The following GPATCH1 variants were observed in gnomAD, a reference collection of about 807,000 sequenced individuals.
GPATCH1 encodes G-patch domain containing 1.
In GPATCH1, 73 loss-of-function variants were observed where a neutral mutation model predicts 114.9. The observed-to-expected ratio is 0.64, with a 90% CI of 0.53 to 0.77. The LOEUF (loss-of-function observed/expected upper bound fraction) is 0.77, where lower values mean the gene tolerates loss of function less well. Ranked by LOEUF, GPATCH1 falls within the 30% of genes least tolerant of loss-of-function variation. The pLI is 0.00. For missense variants in GPATCH1, 1,058 were observed against 1,144.3 expected (o/e 0.92, Z 1.09); for synonymous variants, 391 against 428.4 (o/e 0.91, Z 1.08).
At chr19:33,129,069 A>G (rs1973074400) in intron 19 of GPATCH1, among the ~76,000 whole-genome samples, 1 of 151,754 alleles carries the variant, frequency 6.6e-6, no homozygotes, top group Admixed American at 6.6e-5. Flanking sequence ...AACACAATGA[A>G]ACCCCAAACC....
At position 33,127,680 on chromosome 19, in the gene GPATCH1, T is replaced by C. The variant is rs114699517; in HGVS notation, c.2765+947T>C. ...TTTTGTGCAACCACACACACACACA[T>C]ACACACTCACGTACATGGATGCACA... On this transcript the variant is annotated intron_variant, in intron 19 of 19. Transcript: ENST00000170564. 9.4e-3 allele frequency among the ~76,000 whole-genome samples: 1,422 copies of C among 151,222 alleles called. 20 individuals are homozygous for C. Among genetic ancestry groups the C allele is most frequent in the African/African-American group, 0.033 (1,362 of 40,662 alleles).
At chr19:33,108,787 C>CTG (rs1227891499) in intron 10 of GPATCH1, among the ~76,000 whole-genome samples, 1 of 152,154 alleles carries the variant, frequency 6.6e-6, no homozygotes, top group Non-Finnish European at 1.5e-5. Flanking sequence ...TGAGGGCTTG[C>CTG]TGGGGAGCTG....
intron 7 of GPATCH1, among the ~76,000 whole-genome samples, chr19:33,097,235 C>T (rs1335787852): frequency 6.6e-6 from 1 of 152,232 alleles, no homozygotes; most frequent in Non-Finnish European, 1.5e-5. Context: ...TGAGCCACTG[C>T]GCCCGGCCCA....
Position 33,096,972 on chromosome 19 carries a change from T to C in GPATCH1, c.852+526T>C, listed in dbSNP as rs553401832. ...TCTTTCTTTTTTTTTTGAGACAGAG[T>C]TTGACTCTTGTTGCCCAGGCTGGAG... On this transcript the variant is annotated intron_variant, in intron 7 of 19. Transcript: ENST00000170564. 8.1e-3 allele frequency among the ~76,000 whole-genome samples: 1,065 copies of C among 131,256 alleles called. 17 individuals are homozygous for C. Among genetic ancestry groups the C allele is most frequent in the African/African-American group, 0.03 (1,035 of 34,232 alleles). 86.1% of individuals were successfully genotyped at this position (131,256 alleles called of 152,430 possible). A position where few individuals can be genotyped will look rare whatever the true frequency, so the allele number is the denominator to read the frequency against.
intron 1 of GPATCH1, among the ~76,000 whole-genome samples, chr19:33,087,679 T>C (rs1171623589): frequency 6.6e-6 from 1 of 151,438 alleles, no homozygotes; most frequent in Non-Finnish European, 1.5e-5. Flanking sequence ...CTCCTGACAT[T>C]ATAATTTTTT....
intron 17 of GPATCH1, among the ~76,000 whole-genome samples, chr19:33,121,788 T>C (rs1355163656): frequency 6.6e-6 from 1 of 152,210 alleles, no homozygotes; most frequent in Non-Finnish European, 1.5e-5. Context: ...TGGTTTATCA[T>C]CTCTTTGAGG....
chr19:33,109,915 C>G lies in GPATCH1; in HGVS notation c.1484C>G (p.Thr495Arg), dbSNP rs754967838. ...CSWNMALGGGTATLKASNFKP... is the reference protein window; with the variant it reads ...CSWNMALGGGRATLKASNFKP... ...TGGAACATGGCATTAGGTGGTGGGA[C>G]GGCCACCTTAAAAGCCAGCAACTTC... Residue 495 changes from threonine to arginine, a missense_variant, in exon 11 of 20, where the codon ACG becomes AGG. By Grantham distance (71) the Thr-to-Arg change is moderately conservative (BLOSUM62 -1). This residue lies in a region of GPATCH1 where 893 missense variants were observed against 977.4 expected (regional missense o/e 0.91). Coordinates refer to ENST00000170564, the MANE Select transcript of GPATCH1 (RefSeq NM_018025.3). 1.9e-6 allele frequency: 3 copies of G among 1,613,982 alleles called. No individual in the cohort carries two copies. The highest frequency in any genetic ancestry group is 2.5e-6 in the Non-Finnish European group (3 of 1,180,006).
intron 17 of GPATCH1, among the ~76,000 whole-genome samples, chr19:33,119,780 G>A (rs1238430026): frequency 6.6e-6 from 1 of 151,512 alleles, no homozygotes; most frequent in Non-Finnish European, 1.5e-5. Context: ...AGCACTTTGG[G>A]AGGGCGAGGT....
At position 33,112,737 on chromosome 19, in the gene GPATCH1, A is replaced by G. The variant is rs73587970; in HGVS notation, c.1892+124A>G. On this transcript the variant is annotated intron_variant, in intron 13 of 19. Coordinates refer to ENST00000170564, the MANE Select transcript of GPATCH1 (RefSeq NM_018025.3). Reference sequence around the variant, plus strand: ...TGAACTTATTTGCATATCACTGGATATACAAATCTACACATTTTATAGATT... The same window carrying G: ...TGAACTTATTTGCATATCACTGGATGTACAAATCTACACATTTTATAGATT... 4,375 of 641,108 alleles carry G rather than the reference A, an allele frequency of 6.8e-3. 168 individuals are homozygous for G. The African/African-American group carries it at 0.072, about 11-fold the overall frequency. 39.7% of individuals were successfully genotyped at this position (641,108 alleles called of 1,614,324 possible).
Position 33,126,701 on chromosome 19 carries a change from C to G in GPATCH1, c.2733C>G (p.Thr911=). 1 of 1,613,682 alleles carries G rather than the reference C, an allele frequency of 6.2e-7. No homozygotes were observed. The stretch of plus-strand genomic sequence containing the variant: ...GCGACAGCCAGAGTGACGAGGAAAC[C>G]GCAGACGTGTCGCCCCAGGAGCTGC... ...DSSDSQSDEE[T]ADVSPQELLR... The change falls in exon 19 of 20, where the codon ACC becomes ACG. Residue 911 remains threonine, a synonymous_variant. Transcript: ENST00000170564.
intron 10 of GPATCH1, among the ~76,000 whole-genome samples, chr19:33,108,877 C>T (rs920735834): frequency 2.0e-5 from 3 of 152,138 alleles, no homozygotes; most frequent in African/African-American, 4.8e-5. Context: ...GAATCACTCA[C>T]GTGCCCTGTA....
At chr19:33,101,464 TC>T in intron 8 of GPATCH1, 30 bp from the exon 9 acceptor site, 1 of 1,220,018 alleles carries the variant, frequency 8.2e-7, no homozygotes, top group Non-Finnish European at 1.2e-6. Context: ...CATCTCTACT[TC>T]TGGAATTAAT....
rs111410823 is a variant in GPATCH1 at position 33,111,668 on chromosome 19, G to A, written c.1586-56G>A. 1,356 of 1,524,914 alleles carry A rather than the reference G, an allele frequency of 8.9e-4. 15 individuals are homozygous for A. In the African/African-American group the frequency reaches 0.016, roughly 18 times the overall value. 94.5% of individuals were successfully genotyped at this position (1,524,914 alleles called of 1,614,324 possible). A position where few individuals can be genotyped will look rare whatever the true frequency, so the allele number is the denominator to read the frequency against. On this transcript the variant is annotated intron_variant, in intron 11 of 19. Transcript: ENST00000170564. ...AGTGGTGCCCAGCAGATGTTCTCTT[G>A]TAAGCCCCATGTTTTCCTGAAAAGT...
intron 19 of GPATCH1, 127 bp from the exon 20 acceptor site, chr19:33,130,003 T>G: frequency 3.0e-6 from 2 of 663,918 alleles, no homozygotes; most frequent in Middle Eastern, 3.0e-4. Flanking sequence ...TTATTGTGAG[T>G]GCATTTTGTA....
chr19:33,107,561 G>C (rs1972799456), intron 10 of GPATCH1, among the ~76,000 whole-genome samples: 1 of 152,208 alleles, frequency 6.6e-6, no homozygotes, highest in Non-Finnish European at 1.5e-5. Context: ...TGAAAGGGAT[G>C]AATGTGTCTG....
intron 17 of GPATCH1, among the ~76,000 whole-genome samples, chr19:33,120,503 C>T (rs1452267557): frequency 4.2e-5 from 6 of 144,310 alleles, no homozygotes; most frequent in Admixed American, 2.1e-4. Flanking sequence ...AGATCGAGAT[C>T]GCGCCACTGC....
intron 3 of GPATCH1, among the ~76,000 whole-genome samples, chr19:33,091,178 G>T: frequency 6.6e-6 from 1 of 152,034 alleles, no homozygotes; most frequent in Non-Finnish European, 1.5e-5. Flanking sequence ...TTGGGAGGCC[G>T]AGACAGGCGG....
rs868051798 is a variant in GPATCH1 at position 33,083,396 on chromosome 19, G to T, written c.73+2130G>T. ...TACGCCTGGCCCCAACCATGTTTTTGTTTTTTTTTTTTTTCTGTGACAGAG... is the reference window on the plus strand; with the variant it reads ...TACGCCTGGCCCCAACCATGTTTTTTTTTTTTTTTTTTTTCTGTGACAGAG... On this transcript the variant is annotated intron_variant, in intron 1 of 19. Coordinates refer to ENST00000170564, the MANE Select transcript of GPATCH1 (RefSeq NM_018025.3). Among the ~76,000 whole-genome samples the T allele has an allele frequency of 4.9e-3, 675 of 138,582 alleles. 4 individuals carry two copies. The highest frequency in any genetic ancestry group is 0.013 in the Admixed American group (184 of 13,660). The allele number at this position is 138,582 out of a possible 152,430, so 90.9% of individuals were successfully genotyped here.
chr19:33,098,035 C>A, intron 8 of GPATCH1, 133 bp downstream of exon 8: 1 of 878,860 alleles, frequency 1.1e-6, no homozygotes, highest in Non-Finnish European at 1.8e-6. Flanking sequence ...AACAAAGAAG[C>A]GAGGCCCAGC....
Sources: allele counts gnomAD v4.1 joint callset (sites outside exome capture counted in the v4.1 genomes callset), GRCh38; gene constraint gnomAD v4.1.1; regional missense constraint gnomAD v4.1.1; transcripts MANE v1.5; gene names NCBI Gene and HGNC (gene_info 2026-07-23, HGNC 2026-07-21).